UBE2F: variants seen among roughly 807,000 people sequenced by gnomAD.
The protein encoded by UBE2F is NEDD8-conjugating enzyme UBE2F.
A neutral mutation model predicts 29.6 loss-of-function variants in UBE2F; 5 were observed. That is an observed-to-expected ratio of 0.17 (90% CI 0.09 to 0.36). The LOEUF is 0.36. Among genes scored for constraint, UBE2F ranks in the 10% least tolerant of loss-of-function variants. The pLI, the probability that UBE2F is intolerant of heterozygous loss-of-function variation, is 1.00. For missense variants in UBE2F, 141 were observed against 228.5 expected (o/e 0.62, Z 2.47); for synonymous variants, 66 against 81.8 (o/e 0.81, Z 1.04).
At position 238,005,529 on chromosome 2, in the gene UBE2F, A is replaced by G. The variant is rs1165477365; in HGVS notation, c.214+10720A>G. Among the ~76,000 whole-genome samples the G allele has an allele frequency of 2.0e-5, 3 of 152,018 alleles. No individual in the cohort carries two copies. The East Asian group carries it at 5.8e-4, about 29-fold the overall frequency. On this transcript the variant is annotated intron_variant, in intron 4 of 9. Transcript: ENST00000272930. Reference sequence around the variant, plus strand: ...TTAAAAGCAGAAGTTTTATAGCTCTAGGTTTTATGGTTAGGTCTGTGATCC... The same window carrying G: ...TTAAAAGCAGAAGTTTTATAGCTCTGGGTTTTATGGTTAGGTCTGTGATCC...
At chr2:237,984,358 G>T (rs1318800819) in intron 2 of UBE2F, among the ~76,000 whole-genome samples, 1 of 152,148 alleles carries the variant, frequency 6.6e-6, no homozygotes, top group African/African-American at 2.4e-5. Context: ...CTCCCTCCAC[G>T]CTCCTGTTTC....
At chr2:238,006,223 G>A (rs1009053147) in intron 4 of UBE2F, among the ~76,000 whole-genome samples, 2 of 152,174 alleles carry the variant, frequency 1.3e-5, no homozygotes, top group African/African-American at 2.4e-5. Flanking sequence ...AAGAGATGCA[G>A]ACTCTTTTAA....
At chr2:238,030,658 C>T in intron 7 of UBE2F, 45 bp downstream of exon 7, 2 of 1,492,854 alleles carry the variant, frequency 1.3e-6, no homozygotes, top group South Asian at 1.1e-5. Context: ...TCCCTGTGGT[C>T]CTCTCCCTGC....
intron 2 of UBE2F, among the ~76,000 whole-genome samples, chr2:237,978,451 G>A (rs564475950): frequency 1.4e-4 from 22 of 152,296 alleles, no homozygotes; most frequent in African/African-American, 5.3e-4. Context: ...GGAAGAGTGA[G>A]CCCAGTTCTG....
chr2:237,976,382 T>C (rs1008959663), intron 2 of UBE2F, among the ~76,000 whole-genome samples: 1 of 152,248 alleles, frequency 6.6e-6, no homozygotes, highest in Non-Finnish European at 1.5e-5. Context: ...TGGTTAATAG[T>C]AGCTAATAGG....
intron 4 of UBE2F, among the ~76,000 whole-genome samples, chr2:238,015,930 T>C (rs1290332508): frequency 6.6e-6 from 1 of 151,512 alleles, no homozygotes; most frequent in Non-Finnish European, 1.5e-5. Flanking sequence ...AAAGAGGGAG[T>C]GGGGGTACAC....
At chr2:238,036,602 C>G (rs1176511988) in intron 9 of UBE2F, among the ~76,000 whole-genome samples, 1 of 152,128 alleles carries the variant, frequency 6.6e-6, no homozygotes, top group Non-Finnish European at 1.5e-5. Context: ...TGGGAGGCCA[C>G]TGTGGGCAGA....
intron 2 of UBE2F, 145 bp from the exon 3 acceptor site, chr2:237,987,818 T>C: frequency 1.8e-6 from 1 of 562,208 alleles, no homozygotes; most frequent in East Asian, 3.4e-5. Context: ...TGGCTTAAAG[T>C]CTAAACTTTA....
chr2:238,024,587 TC>T (rs1336188256), intron 5 of UBE2F, among the ~76,000 whole-genome samples: 2 of 152,064 alleles, frequency 1.3e-5, no homozygotes, highest in African/African-American at 4.8e-5. Context: ...CAAGCAATCC[TC>T]CCACCTCGAC....
At chr2:237,973,029 C>T (rs1252028113) in intron 1 of UBE2F, 63 bp from the exon 2 acceptor site, 3 of 1,502,702 alleles carry the variant, frequency 2.0e-6, no homozygotes, top group Non-Finnish European at 1.8e-6. Context: ...ATACATTTTT[C>T]TCAGTGTCTA....
intron 2 of UBE2F, chr2:237,973,550 C>T (rs2063215650): frequency 1.5e-6 from 1 of 651,940 alleles, no homozygotes; most frequent in African/African-American, 1.9e-5. Flanking sequence ...CTGCCATTAT[C>T]TTCCTTTCTT....
intron 4 of UBE2F, among the ~76,000 whole-genome samples, chr2:238,011,356 A>C (rs1430171451): frequency 6.6e-6 from 1 of 151,918 alleles, no homozygotes; most frequent in African/African-American, 2.4e-5. Flanking sequence ...TCACCCCAGT[A>C]CCCTCCTCCT....
chr2:238,037,698 C>T (rs917517747), intron 9 of UBE2F, among the ~76,000 whole-genome samples: 5 of 152,156 alleles, frequency 3.3e-5, no homozygotes, highest in South Asian at 2.1e-4. Flanking sequence ...CTCTATCTCC[C>T]GGGTTCAGGC....
At position 238,040,765 on chromosome 2, in the gene UBE2F, C is replaced by T. The variant is rs2064821142; in HGVS notation, c.508-523C>T. Among the ~76,000 whole-genome samples the T allele has an allele frequency of 6.6e-6, 1 of 152,118 alleles. No homozygotes were observed. Among genetic ancestry groups the T allele is most frequent in the Non-Finnish European group, 1.5e-5 (1 of 68,006 alleles). On this transcript the variant is annotated intron_variant, in intron 9 of 9. Transcript: ENST00000272930. This position sits in a 1 kb window ranked among gnomAD's most constrained non-coding sequence, Gnocchi z 4.4. ...TGCATGAGGATGGAGCTCTGTGGCA[C>T]ACCCAGCTCTCTTCTGGGCAGGGTG...
chr2:238,015,922 AGAGG>A, intron 4 of UBE2F, among the ~76,000 whole-genome samples: 1 of 152,074 alleles, frequency 6.6e-6, no homozygotes, highest in South Asian at 2.1e-4. Flanking sequence ...GGCGGGGTAA[AGAGG>A]GAGTGGGGGT....
Position 237,982,239 on chromosome 2 carries a change from C to T in UBE2F, c.119-5724C>T, listed in dbSNP as rs954185473. On this transcript the variant is annotated intron_variant, in intron 2 of 9. Transcript: ENST00000272930. This position sits in a 1 kb window ranked among gnomAD's most constrained non-coding sequence, Gnocchi z 4.1. ...TGGCATCTTCCTGGCTGTCACTTTG[C>T]TGGCCCCTGAGTGCCTCTTGCTCCC... 6.6e-6 allele frequency among the ~76,000 whole-genome samples: 1 copy of T among 152,180 alleles called. No individual in the cohort carries two copies. The highest frequency in any genetic ancestry group is 1.5e-5 in the Non-Finnish European group (1 of 68,034).
At chr2:237,979,944 T>A (rs898290314) in intron 2 of UBE2F, among the ~76,000 whole-genome samples, 4 of 152,188 alleles carry the variant, frequency 2.6e-5, no homozygotes, top group African/African-American at 9.7e-5. Context: ...CACTCTGTAG[T>A]GTGAGGCCTC....
intron 4 of UBE2F, among the ~76,000 whole-genome samples, chr2:237,999,820 C>CT (rs3054481): frequency 0.021 from 2,497 of 119,570 alleles, 106 homozygotes; most frequent in African/African-American, 0.073. Flanking sequence ...TGATGTTGTT[C>CT]TTTTTTTTTT....
chr2:237,991,882 T>A, intron 3 of UBE2F, among the ~76,000 whole-genome samples: 1 of 151,744 alleles, frequency 6.6e-6, no homozygotes, highest in East Asian at 1.9e-4. Flanking sequence ...TTTTTTTTTT[T>A]TGAGACAGAG....
Sources: allele counts gnomAD v4.1 joint callset (sites outside exome capture counted in the v4.1 genomes callset), GRCh38; gene constraint gnomAD v4.1.1; non-coding constraint Gnocchi (gnomAD v3.1); transcripts MANE v1.5; gene names NCBI Gene and HGNC (gene_info 2026-07-23, HGNC 2026-07-21).